The following ZNF503 variants were observed in gnomAD, a reference collection of about 807,000 sequenced individuals.
ZNF503 encodes NocA-like zinc finger 2.
ZNF503 carries 15 observed loss-of-function variants against 34.4 expected under a neutral mutation model. The ratio of observed to expected loss-of-function variants is 0.44; its 90% CI spans 0.29 to 0.67. ZNF503 has a LOEUF of 0.67. Ranked by LOEUF, ZNF503 falls within the 30% of genes least tolerant of loss-of-function variation. The pLI, the probability that ZNF503 is intolerant of heterozygous loss-of-function variation, is 0.13. For missense variants in ZNF503, 1,007 were observed against 926.8 expected (o/e 1.09, Z -1.12); for synonymous variants, 580 against 456.8 (o/e 1.27, Z -3.44).
chr10:75,401,521 A>G lies in ZNF503; in HGVS notation c.-102T>C. On this transcript the variant is annotated 5_prime_UTR_variant, in exon 1 of 2. Transcript: ENST00000372524. The stretch of plus-strand genomic sequence containing the variant: ...CCCCGGGAGCAGGAGCAGCGGGAGG[A>G]GGAGGAGCTGGCGCGGCGGCCACGG... 6 of 1,403,086 alleles carry G rather than the reference A, an allele frequency of 4.3e-6. No homozygotes were observed. Among genetic ancestry groups the G allele is most frequent in the Non-Finnish European group, 5.7e-6 (6 of 1,055,990 alleles). The allele number at this position is 1,403,086 out of a possible 1,614,324, so 86.9% of individuals were successfully genotyped here.
At chr10:75,377,182 C>T in the ZNF503 span, among the ~76,000 whole-genome samples, 1 of 152,170 alleles carries the variant, frequency 6.6e-6, no homozygotes, top group Non-Finnish European at 1.5e-5. Flanking sequence ...GAACCACTGC[C>T]CTCAACCACA....
At chr10:75,329,738 A>T in the ZNF503 span, among the ~76,000 whole-genome samples, 1 of 152,058 alleles carries the variant, frequency 6.6e-6, no homozygotes, top group Non-Finnish European at 1.5e-5. Flanking sequence ...CTGCCTCCCA[A>T]AGTGCTGGGA....
the ZNF503 span, among the ~76,000 whole-genome samples, chr10:75,342,287 TTTCAGCTCCCACTTGTTTTTTTGG>T: frequency 6.6e-6 from 1 of 152,088 alleles, no homozygotes; most frequent in Admixed American, 6.5e-5. Flanking sequence ...CGAGGGTGGG[TTTCAGCTCCCACTTGTTTTTTTGG>T]TCAGGTTCCC....
At chr10:75,396,729 C>G (rs1843704932), downstream of ZNF503, among the ~76,000 whole-genome samples, 1 of 152,044 alleles carries the variant, frequency 6.6e-6, no homozygotes, top group Non-Finnish European at 1.5e-5. This position sits in a 1 kb window ranked among gnomAD's most constrained non-coding sequence, Gnocchi z 4.4. Flanking sequence ...CTCCACGGTC[C>G]CGGAATCCTT....
chr10:75,398,700 C>T lies in ZNF503; in HGVS notation c.*49G>A. The T allele has an allele frequency of 2.2e-6, 3 of 1,345,832 alleles. No homozygotes were observed. Among genetic ancestry groups the T allele is most frequent in the Non-Finnish European group, 2.8e-6 (3 of 1,053,174 alleles). The allele number at this position is 1,345,832 out of a possible 1,614,324, so 83.4% of individuals were successfully genotyped here. A position where few individuals can be genotyped will look rare whatever the true frequency, so the allele number is the denominator to read the frequency against. On this transcript the variant is annotated 3_prime_UTR_variant, in exon 2 of 2. Transcript: ENST00000372524. ...CGTGATCCCGCCTCTCCCTGGACTC[C>T]TCCCCTCCCCCTCTCCCTCCTCTCC...
the ZNF503 span, among the ~76,000 whole-genome samples, chr10:75,317,457 T>TC: frequency 2.3e-4 from 35 of 151,372 alleles, no homozygotes; most frequent in African/African-American, 8.5e-4. Context: ...TTTTTTTTTT[T>TC]TGTACTTTTA....
chr10:75,332,280 T>C, the ZNF503 span, among the ~76,000 whole-genome samples: 1 of 152,090 alleles, frequency 6.6e-6, no homozygotes, highest in Non-Finnish European at 1.5e-5. Flanking sequence ...TACACATATG[T>C]TATGCCTTTT....
Position 75,399,652 on chromosome 10 carries a change from G to A in ZNF503, c.1038C>T (p.Gly346=). ...LVAPVSPYKP[G]QTVFPLPPAG... is the part of the protein sequence containing the mutation. ...CGGGAGGCAGAGGGAACACTGTCTG[G>A]CCCGGCTTGTAGGGTGACACGGGAG... The change falls in exon 2 of 2, where the codon GGC becomes GGT. Residue 346 remains glycine, a synonymous_variant. Coordinates refer to ENST00000372524, the MANE Select transcript of ZNF503 (RefSeq NM_032772.6). 1.9e-6 allele frequency: 3 copies of A among 1,599,370 alleles called. No individual in the cohort carries two copies. Among genetic ancestry groups the A allele is most frequent in the African/African-American group, 1.3e-5 (1 of 75,024 alleles).
At chr10:75,372,637 A>G in the ZNF503 span, among the ~76,000 whole-genome samples, 1 of 152,214 alleles carries the variant, frequency 6.6e-6, no homozygotes, top group Non-Finnish European at 1.5e-5. Context: ...CACTGGGAGC[A>G]CTCAATACAA....
chr10:75,281,024 G>A, the ZNF503 span, among the ~76,000 whole-genome samples: 1 of 152,246 alleles, frequency 6.6e-6, no homozygotes, highest in Non-Finnish European at 1.5e-5. Context: ...GGAGGCTGGG[G>A]ACACACAAAG....
At chr10:75,292,464 A>G in the ZNF503 span, among the ~76,000 whole-genome samples, 1 of 152,254 alleles carries the variant, frequency 6.6e-6, no homozygotes, top group African/African-American at 2.4e-5. Flanking sequence ...CTCCTGCGAT[A>G]CATTGGCTTC....
chr10:75,282,320 G>A, the ZNF503 span, among the ~76,000 whole-genome samples: 1 of 152,298 alleles, frequency 6.6e-6, no homozygotes, highest in East Asian at 1.9e-4. Flanking sequence ...CTTGGCTGGG[G>A]GAATTCCTTT....
chr10:75,284,434 G>T, the ZNF503 span, among the ~76,000 whole-genome samples: 4 of 151,664 alleles, frequency 2.6e-5, no homozygotes, highest in Non-Finnish European at 5.9e-5. Context: ...TGGGTTGGGG[G>T]AAGGGGACTG....
chr10:75,281,933 C>T, the ZNF503 span, among the ~76,000 whole-genome samples: 1 of 152,190 alleles, frequency 6.6e-6, no homozygotes, highest in Non-Finnish European at 1.5e-5. Context: ...GTGCACATAC[C>T]CAGAATATCA....
the ZNF503 span, among the ~76,000 whole-genome samples, chr10:75,315,905 G>A: frequency 6.6e-6 from 1 of 152,152 alleles, no homozygotes; most frequent in Non-Finnish European, 1.5e-5. Context: ...GATATTCCAT[G>A]TAAATAGAAA....
chr10:75,388,498 A>G, the ZNF503 span, among the ~76,000 whole-genome samples: 2 of 152,198 alleles, frequency 1.3e-5, no homozygotes, highest in Admixed American at 6.5e-5. Context: ...GTGTACGGAG[A>G]AATAAAGGTC....
chr10:75,300,723 T>TTTTTTTTTTA, the ZNF503 span, among the ~76,000 whole-genome samples: 1 of 146,880 alleles, frequency 6.8e-6, no homozygotes, highest in African/African-American at 2.5e-5. Context: ...TTTTTTTTTT[T>TTTTTTTTTTA]GAGACAGAGT....
At chr10:75,298,325 C>T in the ZNF503 span, among the ~76,000 whole-genome samples, 2 of 152,152 alleles carry the variant, frequency 1.3e-5, no homozygotes, top group South Asian at 2.1e-4. Context: ...CAAAAAGAAA[C>T]CCCATATCTA....
downstream of ZNF503, among the ~76,000 whole-genome samples, chr10:75,394,347 G>A (rs868792996): frequency 1.3e-5 from 2 of 152,230 alleles, no homozygotes; most frequent in Admixed American, 6.5e-5. Flanking sequence ...GGCATAGCCC[G>A]TGACAGATGT....
Sources: allele counts gnomAD v4.1 joint callset (sites outside exome capture counted in the v4.1 genomes callset), GRCh38; gene constraint gnomAD v4.1.1; non-coding constraint Gnocchi (gnomAD v3.1); transcripts MANE v1.5; gene names NCBI Gene and HGNC (gene_info 2026-07-23, HGNC 2026-07-21).